The following COL4A2 variants were observed in gnomAD, a reference collection of about 807,000 sequenced individuals.
The protein encoded by COL4A2 is collagen type IV alpha 2 chain.
COL4A2 carries 99 observed loss-of-function variants against 200.2 expected under a neutral mutation model. The ratio of observed to expected loss-of-function variants is 0.49; its 90% confidence interval spans 0.42 to 0.58. The LOEUF is 0.58. COL4A2 is among the 20% of genes least tolerant of loss of function. The pLI, the probability that COL4A2 is intolerant of heterozygous loss-of-function variation, is 0.00. For missense variants in COL4A2, 1,950 were observed against 2,314.1 expected (o/e 0.84, Z 3.23); for synonymous variants, 897 against 900.6 (o/e 1.00, Z 0.07).
intron 4 of COL4A2, among the ~76,000 whole-genome samples, chr13:110,413,821 T>C (rs1391458599): frequency 6.6e-6 from 1 of 152,138 alleles, no homozygotes; most frequent in East Asian, 1.9e-4. Flanking sequence ...GACTGTGATG[T>C]GGGACCCTCA....
At chr13:110,484,777 G>T (rs1883053453) in intron 32 of COL4A2, 128 bp from the exon 33 acceptor site, 1 of 1,343,380 alleles carries the variant, frequency 7.4e-7, no homozygotes, top group East Asian at 2.4e-5. Context: ...GGCGCCCTTG[G>T]TCTCTCTCCA....
intron 3 of COL4A2, among the ~76,000 whole-genome samples, chr13:110,308,738 C>T (rs1376890602): frequency 1.3e-5 from 2 of 152,188 alleles, no homozygotes; most frequent in Non-Finnish European, 2.9e-5. Context: ...GCCTGCCCCT[C>T]CACGCCGGCC....
rs772448912 is a variant in COL4A2 at position 110,450,323 on chromosome 13, C to A, written c.1208C>A (p.Pro403Gln). 1.2e-6 allele frequency: 2 copies of A among 1,613,656 alleles called. No homozygotes were observed. Among genetic ancestry groups the A allele is most frequent in the South Asian group, 1.1e-5 (1 of 91,078 alleles). ...IGDGDQRRGLPGEMGPKGFIG... is the reference protein window; with the variant it reads ...IGDGDQRRGLQGEMGPKGFIG... ...GTTTCAGATCAGAGGAGAGGCCTGC[C>A]GGGTGAGATGGGACCCAAGGGCTTC... The change falls in exon 20 of 48, where the codon CCG (proline) becomes CAG (glutamine). Residue 403 changes from proline (P) to glutamine (Q), a missense_variant. Pro to Gln is a moderately conservative substitution (Grantham distance 76). Transcript: ENST00000360467.
chr13:110,406,204 G>A (rs866995876), intron 4 of COL4A2, among the ~76,000 whole-genome samples: 18 of 152,128 alleles, frequency 1.2e-4, no homozygotes, highest in African/African-American at 3.6e-4. Context: ...CATAACCAGC[G>A]GACTGTCAGA....
chr13:110,386,417 C>T (rs1431066696), intron 4 of COL4A2, among the ~76,000 whole-genome samples: 1 of 152,176 alleles, frequency 6.6e-6, no homozygotes, highest in Non-Finnish European at 1.5e-5. Flanking sequence ...AGTAGGATGG[C>T]TCCTGGGGAT....
At chr13:110,483,590 C>T (rs1055667265) in intron 32 of COL4A2, among the ~76,000 whole-genome samples, 3 of 152,242 alleles carry the variant, frequency 2.0e-5, no homozygotes, top group Non-Finnish European at 4.4e-5. Flanking sequence ...AGACATGGCG[C>T]GTGGGCGAGC....
At chr13:110,408,869 A>G (rs1188816859) in intron 4 of COL4A2, among the ~76,000 whole-genome samples, 1 of 132,734 alleles carries the variant, frequency 7.5e-6, no homozygotes, top group Non-Finnish European at 1.6e-5. Context: ...ACACGCACAT[A>G]TACACATGGA....
chr13:110,384,889 T>G (rs1878623029), intron 4 of COL4A2, among the ~76,000 whole-genome samples: 1 of 151,908 alleles, frequency 6.6e-6, no homozygotes, highest in South Asian at 2.1e-4. Flanking sequence ...CAAATAGGGG[T>G]TTAGAAGGAG....
intron 3 of COL4A2, among the ~76,000 whole-genome samples, chr13:110,331,141 C>T (rs148503858): frequency 6.8e-4 from 104 of 152,184 alleles, no homozygotes; most frequent in Admixed American, 2.6e-3. Context: ...CAAAAATCAG[C>T]TTGAACATTT....
At chr13:110,317,149 GAC>G (rs1170061287) in intron 3 of COL4A2, among the ~76,000 whole-genome samples, 1 of 139,494 alleles carries the variant, frequency 7.2e-6, no homozygotes, top group African/African-American at 2.7e-5. Context: ...CACACATACA[GAC>G]ACACAGATGC....
chr13:110,509,270 T>TATATATATATATATAC (rs1435137108), intron 47 of COL4A2, among the ~76,000 whole-genome samples: 5 of 115,596 alleles, frequency 4.3e-5, no homozygotes, highest in East Asian at 2.8e-4. Flanking sequence ...TATATATATA[T>TATATATATATATATAC]ACACACACAC....
At chr13:110,346,916 G>A (rs764956647) in intron 3 of COL4A2, among the ~76,000 whole-genome samples, 18 of 152,336 alleles carry the variant, frequency 1.2e-4, no homozygotes, top group Middle Eastern at 6.8e-3. Flanking sequence ...GGGGAAGACT[G>A]GCTCTGGACA....
At chr13:110,456,662 A>G in intron 20 of COL4A2, 1 of 424,110 alleles carries the variant, frequency 2.4e-6, no homozygotes, top group Non-Finnish European at 4.8e-6. Flanking sequence ...TTTATGGATC[A>G]TTTGGGGAGG....
At chr13:110,437,136 G>A (rs1264636577) in intron 13 of COL4A2, among the ~76,000 whole-genome samples, 2 of 152,052 alleles carry the variant, frequency 1.3e-5, no homozygotes, top group East Asian at 3.8e-4. Flanking sequence ...TGGGGCTTGG[G>A]TCCTGTGTCC....
chr13:110,478,029 G>A lies in COL4A2; in HGVS notation c.2452G>A (p.Gly818Arg). 6.3e-7 allele frequency: 1 copy of A among 1,585,462 alleles called. No individual in the cohort carries two copies. The highest frequency in any genetic ancestry group is 8.6e-7 in the Non-Finnish European group (1 of 1,162,906). The change falls in exon 30 of 48, where the codon GGG becomes AGG. Residue 818 changes from glycine to arginine, a missense_variant. Transcript: ENST00000360467. ...RGSQGMPGMP[G>R]LKGQPGLPGP... ...AAGCCAAGGGATGCCTGGGATGCCA[G>A]GGCTGAAGGGCCAGCCAGGCCTCCC...
At chr13:110,373,854 A>G (rs1251816130) in intron 4 of COL4A2, among the ~76,000 whole-genome samples, 2 of 152,216 alleles carry the variant, frequency 1.3e-5, no homozygotes, top group East Asian at 3.9e-4. Flanking sequence ...TTAATCGGGC[A>G]CATGCCAAGG....
At chr13:110,468,318 G>A (rs200347105) in intron 27 of COL4A2, 197 of 466,598 alleles carry the variant, frequency 4.2e-4, no homozygotes, top group Non-Finnish European at 1.6e-4. Context: ...ACCTGCCCCC[G>A]GTCTAATTCC....
rs770233408 is a variant in COL4A2, at chr13:110,488,128, C to T, written c.3208-1317C>T. ...TGCAACCACTGCCTCCTGGTTCAAG[C>T]GATTCCCCTGCCACAGCCTCCCAAG... On this transcript the variant is annotated intron_variant, in intron 34 of 47. Transcript: ENST00000360467. 3.3e-5 allele frequency among the ~76,000 whole-genome samples: 5 copies of T among 152,312 alleles called. No individual in the cohort carries two copies. In the South Asian group the frequency reaches 6.2e-4, roughly 19 times the overall value.
chr13:110,450,596 G>A, intron 20 of COL4A2, 142 bp downstream of exon 20: 1 of 951,676 alleles, frequency 1.1e-6, no homozygotes, highest in Non-Finnish European at 1.6e-6. Context: ...AGTGGATCCA[G>A]GTAGATTAGG....
Sources: allele counts gnomAD v4.1 joint callset (sites outside exome capture counted in the v4.1 genomes callset), GRCh38; gene constraint gnomAD v4.1.1; transcripts MANE v1.5; gene names NCBI Gene and HGNC (gene_info 2026-07-23, HGNC 2026-07-21).